PALLD: variants seen among roughly 807,000 people sequenced by gnomAD.
PALLD encodes palladin, cytoskeletal associated protein.
Under a neutral mutation model 123.5 loss-of-function variants are expected in PALLD, and 61 were observed. That is an observed-to-expected ratio of 0.49 (90% CI 0.40 to 0.61). The LOEUF (loss-of-function observed/expected upper bound fraction) is 0.61. PALLD is among the 20% of genes least tolerant of loss of function. PALLD has a pLI of 0.00. For synonymous variants in PALLD, 465 were observed against 496.4 expected (o/e 0.94, Z 0.84); for missense variants, 1,273 against 1,377.0 (o/e 0.92, Z 1.20).
intron 10 of PALLD, among the ~76,000 whole-genome samples, chr4:168,735,073 C>A (rs986408614): frequency 4.6e-5 from 7 of 152,140 alleles, no homozygotes; most frequent in Admixed American, 3.3e-4. Context: ...TCATGAATAT[C>A]AAAGATTGAG....
At chr4:168,569,174 T>G (rs1217716634) in intron 2 of PALLD, among the ~76,000 whole-genome samples, 1 of 152,110 alleles carries the variant, frequency 6.6e-6, no homozygotes, top group Non-Finnish European at 1.5e-5. Context: ...AAACAATAGC[T>G]ACTCTTATCT....
chr4:168,709,275 C>G, intron 9 of PALLD, 128 bp downstream of exon 9: 2 of 923,182 alleles, frequency 2.2e-6, no homozygotes, highest in Admixed American at 1.9e-5. Flanking sequence ...TTTGGGAGGC[C>G]GAGGCAGGCA....
At position 168,912,666 on chromosome 4, in the gene PALLD, C is replaced by T. The variant is rs374705624; in HGVS notation, c.2623-1261C>T. Among the ~76,000 whole-genome samples the T allele has an allele frequency of 7.9e-5, 12 of 152,206 alleles. No homozygotes were observed. In the South Asian group the frequency reaches 2.1e-3, roughly 26 times the overall value. ...GTGATATTTCAAAGCATGTATACAACGTATAATGTTCAAATCATGGTAATT... is the reference window on the plus strand; with the variant it reads ...GTGATATTTCAAAGCATGTATACAATGTATAATGTTCAAATCATGGTAATT... On this transcript the variant is annotated intron_variant, in intron 15 of 21. Transcript: ENST00000505667.
intron 10 of PALLD, among the ~76,000 whole-genome samples, chr4:168,739,322 A>T (rs1410592149): frequency 6.6e-6 from 1 of 152,104 alleles, no homozygotes. Context: ...TTCGGTTTTT[A>T]GTTTTTTGAG....
At position 168,576,908 on chromosome 4, in the gene PALLD, C is replaced by A. The variant is rs7672644; in HGVS notation, c.908+64496C>A. 9.3e-3 allele frequency among the ~76,000 whole-genome samples: 1,414 copies of A among 151,966 alleles called. 27 individuals are homozygous for A. The highest frequency in any genetic ancestry group is 0.032 in the African/African-American group (1,325 of 41,454). Reference sequence around the variant, plus strand: ...ATCTCACACCAGTTAGAATGGCGATCATTAAAAAGTCAGGAAAAAACAGGT... The same window carrying A: ...ATCTCACACCAGTTAGAATGGCGATAATTAAAAAGTCAGGAAAAAACAGGT... On this transcript the variant is annotated intron_variant, in intron 2 of 21. Coordinates refer to ENST00000505667, the MANE Select transcript of PALLD (RefSeq NM_001166108.2).
chr4:168,792,498 T>C (rs1389390326), intron 10 of PALLD, among the ~76,000 whole-genome samples: 1 of 152,144 alleles, frequency 6.6e-6, no homozygotes, highest in East Asian at 1.9e-4. Context: ...ACCCAAAATC[T>C]TGGCATCCTT....
At chr4:168,898,448 G>C in intron 13 of PALLD, 45 bp from the exon 14 acceptor site, 1 of 1,254,216 alleles carries the variant, frequency 8.0e-7, no homozygotes, top group Non-Finnish European at 1.2e-6. Flanking sequence ...GTGACACTTT[G>C]TCAGAAGGGA....
intron 2 of PALLD, among the ~76,000 whole-genome samples, chr4:168,637,927 G>A (rs1417426687): frequency 8.7e-6 from 1 of 115,592 alleles, no homozygotes; most frequent in Non-Finnish European, 1.7e-5. Context: ...CTGAGCAACA[G>A]AGGGAGAATA....
chr4:168,690,584 G>T lies in PALLD; in HGVS notation c.1336-19G>T. 4 of 1,614,100 alleles carry T rather than the reference G, an allele frequency of 2.5e-6. No homozygotes were observed. The highest frequency in any genetic ancestry group is 3.4e-6 in the Non-Finnish European group (4 of 1,179,994). On this transcript the variant is annotated intron_variant, in intron 6 of 21. Coordinates refer to ENST00000505667, the MANE Select transcript of PALLD (RefSeq NM_001166108.2). The stretch of plus-strand genomic sequence containing the variant: ...ACCAAAGTCTGATGGGGTTTTCCTT[G>T]AATTTCCTTGAATTTCAGGAACTGC...
chr4:168,885,871 C>T (rs1045170248), intron 10 of PALLD, among the ~76,000 whole-genome samples: 2 of 152,224 alleles, frequency 1.3e-5, no homozygotes, highest in Non-Finnish European at 2.9e-5. Context: ...CCAAATAATG[C>T]ATGTGTCACC....
intron 10 of PALLD, among the ~76,000 whole-genome samples, chr4:168,776,725 A>G (rs1389082923): frequency 1.3e-5 from 2 of 152,180 alleles, no homozygotes; most frequent in Non-Finnish European, 2.9e-5. Context: ...TTTTTGTTAA[A>G]TGCTTTTCTG....
intron 10 of PALLD, among the ~76,000 whole-genome samples, chr4:168,852,583 G>A (rs970434733): frequency 5.9e-5 from 9 of 152,140 alleles, no homozygotes; most frequent in Non-Finnish European, 5.9e-5. Flanking sequence ...CAAGGCTGCA[G>A]TGAGCCGTGA....
intron 2 of PALLD, among the ~76,000 whole-genome samples, chr4:168,643,600 C>T (rs1043452786): frequency 3.9e-5 from 6 of 152,162 alleles, no homozygotes; most frequent in African/African-American, 7.2e-5. Context: ...AATTCCCCTC[C>T]GCTAATGAAC....
chr4:168,662,826 G>A (rs191965022), intron 2 of PALLD, among the ~76,000 whole-genome samples: 74 of 152,278 alleles, frequency 4.9e-4, no homozygotes, highest in African/African-American at 1.6e-3. Context: ...CACCCATCTC[G>A]TCCAATGTGT....
At chr4:168,732,185 C>T (rs1787242129) in intron 10 of PALLD, among the ~76,000 whole-genome samples, 2 of 152,164 alleles carry the variant, frequency 1.3e-5, no homozygotes, top group Admixed American at 6.5e-5. Flanking sequence ...GAGTTTGTAG[C>T]GTTGGACAAA....
At chr4:168,894,478 G>C (rs1055504727) in intron 11 of PALLD, 101 bp from the exon 12 acceptor site, 6 of 766,076 alleles carry the variant, frequency 7.8e-6, no homozygotes, top group Non-Finnish European at 9.1e-6. Context: ...AACACTTACA[G>C]AAAATCATGA....
chr4:168,737,661 G>T (rs2150333852), intron 10 of PALLD, among the ~76,000 whole-genome samples: 1 of 152,266 alleles, frequency 6.6e-6, no homozygotes, highest in South Asian at 2.1e-4. Flanking sequence ...AGGTGTGGCA[G>T]TTTTGTCAAT....
intron 10 of PALLD, among the ~76,000 whole-genome samples, chr4:168,772,191 AACG>A (rs1302593935): frequency 6.6e-6 from 1 of 152,130 alleles, no homozygotes; most frequent in Non-Finnish European, 1.5e-5. Context: ...ACTTTCTTAA[AACG>A]ACTAGAGGGA....
intron 10 of PALLD, among the ~76,000 whole-genome samples, chr4:168,806,142 A>G (rs904874453): frequency 4.6e-5 from 7 of 152,188 alleles, no homozygotes; most frequent in African/African-American, 1.7e-4. Flanking sequence ...AGCTCACTGC[A>G]ACCTCTGCCT....
Sources: allele counts gnomAD v4.1 joint callset (sites outside exome capture counted in the v4.1 genomes callset), GRCh38; gene constraint gnomAD v4.1.1; transcripts MANE v1.5; gene names NCBI Gene and HGNC (gene_info 2026-07-23, HGNC 2026-07-21).